The following ASB3 variants were observed in gnomAD, a reference collection of about 807,000 sequenced individuals.
ASB3 encodes the protein ankyrin repeat and SOCS box containing 3.
ASB3 carries 41 observed loss-of-function variants against 54.5 expected under a neutral mutation model. The ratio of observed to expected loss-of-function variants is 0.75; its 90% CI spans 0.59 to 0.98. The LOEUF (loss-of-function observed/expected upper bound fraction) is 0.98. Among genes scored for constraint, ASB3 ranks in the 50% least tolerant of loss-of-function variants. The pLI, the probability that ASB3 is intolerant of heterozygous loss-of-function variation, is 0.00. For missense variants in ASB3, 733 were observed against 620.0 expected, an observed-to-expected ratio of 1.18 and a Z score of -1.94; for synonymous variants, 266 against 221.2, an observed-to-expected ratio of 1.20 and a Z score of -1.80.
intron 9 of ASB3, among the ~76,000 whole-genome samples, chr2:53,674,916 C>T (rs1289397624): frequency 6.6e-6 from 1 of 151,738 alleles, no homozygotes; most frequent in Non-Finnish European, 1.5e-5. Flanking sequence ...ATAGGAATGG[C>T]CAGTATAAAG....
intron 1 of ASB3, among the ~76,000 whole-genome samples, chr2:53,766,623 A>G (rs1375444539): frequency 6.6e-6 from 1 of 152,254 alleles, no homozygotes. Context: ...AAGGAAGTAC[A>G]GCAACTGTGC....
At chr2:53,729,665 G>A (rs1671193411) in intron 3 of ASB3, 95 bp from the exon 4 acceptor site, 8 of 967,322 alleles carry the variant, frequency 8.3e-6, no homozygotes, top group African/African-American at 3.2e-5. Flanking sequence ...ACTCACCTCA[G>A]AACCACAATG....
At chr2:53,676,929 C>A (rs539477610) in intron 9 of ASB3, among the ~76,000 whole-genome samples, 3 of 152,074 alleles carry the variant, frequency 2.0e-5, no homozygotes, top group African/African-American at 7.2e-5. Context: ...CCACCATGCC[C>A]GATTAATTTT....
chr2:53,672,417 G>A (rs990678736), intron 9 of ASB3, among the ~76,000 whole-genome samples: 1 of 152,152 alleles, frequency 6.6e-6, no homozygotes, highest in African/African-American at 2.4e-5. Context: ...CACAGGTAAA[G>A]GGGCCACTGG....
chr2:53,680,341 G>A (rs1165243988), intron 9 of ASB3, among the ~76,000 whole-genome samples: 1 of 152,198 alleles, frequency 6.6e-6, no homozygotes, highest in African/African-American at 2.4e-5. Context: ...AACGGTTGAA[G>A]TAGTTTACAC....
Position 53,707,973 on chromosome 2 carries a change from AAAAAG to A in ASB3, c.980+6406_980+6410del, listed in dbSNP as rs1388327248. Among the ~76,000 whole-genome samples the A allele has an allele frequency of 4.7e-3, 710 of 151,538 alleles. 5 individuals carry two copies. Among genetic ancestry groups the A allele is most frequent in the African/African-American group, 0.016 (671 of 41,176 alleles). ...TCAGACTCTGTCTCAAAAAAAAAAA[AAAAAG>A]AAAGAAAGAAAGAAAAGAAAAGAAA... On this transcript the variant is annotated intron_variant, in intron 7 of 9. Transcript: ENST00000263634.
At chr2:53,753,240 C>G (rs1045227477) in intron 2 of ASB3, among the ~76,000 whole-genome samples, 1 of 152,180 alleles carries the variant, frequency 6.6e-6, no homozygotes, top group Non-Finnish European at 1.5e-5. Flanking sequence ...ACAAAAAGAA[C>G]TGCACATAAA....
chr2:53,695,530 T>C (rs1312677409), intron 8 of ASB3, among the ~76,000 whole-genome samples: 1 of 152,124 alleles, frequency 6.6e-6, no homozygotes, highest in African/African-American at 2.4e-5. Flanking sequence ...TAATGCACTT[T>C]AGGTCTTACT....
In ASB3 at chr2:53,680,737, A is replaced by T. The variant is rs200673817; in HGVS notation, c.1370-10047T>A. 1.2e-3 allele frequency among the ~76,000 whole-genome samples: 188 copies of T among 152,298 alleles called. 5 individuals are homozygous for T. The East Asian group carries it at 0.035, about 28-fold the overall frequency. ...CTTTCTTTGTGTTACAAACTATCCA[A>T]TTATACTCTTTCACTTGTTGAAAAA... is the stretch of plus-strand genomic sequence containing the variant. On this transcript the variant is annotated intron_variant, in intron 9 of 9. Coordinates refer to ENST00000263634, the MANE Select transcript of ASB3 (RefSeq NM_016115.5).
chr2:53,703,479 C>A (rs1381870704), intron 7 of ASB3, among the ~76,000 whole-genome samples: 2 of 152,062 alleles, frequency 1.3e-5, no homozygotes, highest in African/African-American at 2.4e-5. Flanking sequence ...AAACTTAAAA[C>A]CTGGGGCACC....
At position 53,769,609 on chromosome 2, in the gene ASB3, G is replaced by T. The variant is rs548971072; in HGVS notation, c.-13-4024C>A. Reference sequence around the variant, plus strand: ...CGCCTATAATCCCAGCACTTTAGGAGGCCTAGGCGGGTGGATCACCTGAGG... The same window carrying T: ...CGCCTATAATCCCAGCACTTTAGGATGCCTAGGCGGGTGGATCACCTGAGG... On this transcript the variant is annotated intron_variant, in intron 1 of 9. Transcript: ENST00000263634. Among the ~76,000 whole-genome samples, 8 of 152,332 alleles carry T rather than the reference G, an allele frequency of 5.3e-5. No homozygotes were observed. In the South Asian group the frequency reaches 1.7e-3, roughly 32 times the overall value.
At chr2:53,699,760 C>A (rs891502780) in intron 8 of ASB3, among the ~76,000 whole-genome samples, 1 of 152,112 alleles carries the variant, frequency 6.6e-6, no homozygotes, top group Non-Finnish European at 1.5e-5. Context: ...AATTCTGACT[C>A]GGCGTTTGTA....
Position 53,700,300 on chromosome 2 carries a change from A to C in ASB3, c.1209T>G (p.Phe403Leu). The C allele has an allele frequency of 6.2e-7, 1 of 1,614,006 alleles. No homozygotes were observed. The highest frequency in any genetic ancestry group is 8.5e-7 in the Non-Finnish European group (1 of 1,179,958). The change falls in exon 8 of 10, where the codon TTT (phenylalanine) becomes TTG (leucine). Residue 403 changes from phenylalanine (F) to leucine (L), a missense_variant. Coordinates refer to ENST00000263634, the MANE Select transcript of ASB3 (RefSeq NM_016115.5). ...AATTGCACAGTAGAATCAGTGGGTC[A>C]AATCCAGCAACCAGAAGATGTGGCA... ...EWLPHLLVAG[F>L]DPLILLCNSW...
At chr2:53,753,675 T>C (rs1190915975) in intron 2 of ASB3, among the ~76,000 whole-genome samples, 1 of 151,670 alleles carries the variant, frequency 6.6e-6, no homozygotes, top group Non-Finnish European at 1.5e-5. Context: ...GAGACAGTGT[T>C]GCCCAGGATG....
chr2:53,718,164 A>T (rs530292039), intron 5 of ASB3, among the ~76,000 whole-genome samples: 1 of 152,336 alleles, frequency 6.6e-6, no homozygotes, highest in African/African-American at 2.4e-5. Context: ...AGAGAGGAAG[A>T]CATCCAGATA....
chr2:53,673,940 G>A (rs937429543), intron 9 of ASB3, among the ~76,000 whole-genome samples: 21 of 152,110 alleles, frequency 1.4e-4, no homozygotes, highest in African/African-American at 4.8e-4. Flanking sequence ...TATTAACACA[G>A]ACAATAATAT....
intron 1 of ASB3, chr2:53,768,327 A>C: frequency 3.7e-6 from 1 of 273,262 alleles, no homozygotes; most frequent in East Asian, 6.6e-5. Context: ...TCTCTCTGCA[A>C]CCTCTGCCAA....
At chr2:53,781,378 CTCTAG>C (rs1223089730) in intron 1 of ASB3, among the ~76,000 whole-genome samples, 2 of 150,390 alleles carry the variant, frequency 1.3e-5, no homozygotes, top group East Asian at 3.9e-4. Context: ...TGCCATTGCA[CTCTAG>C]TCTAGGCAAC....
chr2:53,786,044 G>A (rs1471356359), intron 1 of ASB3, among the ~76,000 whole-genome samples: 1 of 152,306 alleles, frequency 6.6e-6, no homozygotes, highest in South Asian at 2.1e-4. Context: ...ATCTGAGGAA[G>A]TGGGGGCGAC....
Sources: gnomAD v4.1 joint callset for allele counts (sites outside exome capture counted in the v4.1 genomes callset) on GRCh38, gnomAD v4.1.1 for gene constraint, MANE v1.5 for transcripts, NCBI Gene and HGNC (gene_info 2026-07-23, HGNC 2026-07-21) for gene names.